Variants in THSD7A observed in about 807,000 individuals in gnomAD.
The protein encoded by THSD7A is thrombospondin type 1 domain containing 7A.
THSD7A carries 96 observed loss-of-function variants against 231.3 expected under a neutral mutation model. The observed-to-expected ratio is 0.41, with a 90% CI of 0.35 to 0.49. The LOEUF (loss-of-function observed/expected upper bound fraction) is 0.49, where lower values mean the gene tolerates loss of function less well. THSD7A is among the 20% of genes least tolerant of loss of function. The pLI is 0.05. For missense variants in THSD7A, 2,290 were observed against 2,070.2 expected, an observed-to-expected ratio of 1.11 and a Z score of -2.06; for synonymous variants, 940 against 743.3, an observed-to-expected ratio of 1.26 and a Z score of -4.30.
chr7:11,654,922 G>A (rs1782650691), intron 1 of THSD7A, among the ~76,000 whole-genome samples: 1 of 151,932 alleles, frequency 6.6e-6, no homozygotes, highest in African/African-American at 2.4e-5. Flanking sequence ...TAAGGAATAT[G>A]AAAGCTGACA....
At chr7:11,514,695 A>G (rs780559284) in intron 6 of THSD7A, among the ~76,000 whole-genome samples, 4 of 152,168 alleles carry the variant, frequency 2.6e-5, no homozygotes, top group South Asian at 2.1e-4. Flanking sequence ...ATTTCACAAA[A>G]TTTTTCAACA....
intron 14 of THSD7A, among the ~76,000 whole-genome samples, chr7:11,428,425 A>T (rs1347192057): frequency 6.6e-6 from 1 of 152,172 alleles, no homozygotes; most frequent in Non-Finnish European, 1.5e-5. Context: ...TCAATGACTA[A>T]ATTGATAGCA....
chr7:11,740,523 C>G (rs915340408), intron 1 of THSD7A, among the ~76,000 whole-genome samples: 7 of 151,892 alleles, frequency 4.6e-5, no homozygotes, highest in African/African-American at 1.7e-4. Flanking sequence ...TTTGCTGTTT[C>G]CCAAACATGC....
At chr7:11,616,187 A>G (rs1402843611) in intron 2 of THSD7A, among the ~76,000 whole-genome samples, 1 of 152,070 alleles carries the variant, frequency 6.6e-6, no homozygotes, top group Admixed American at 6.6e-5. Context: ...GTGTAGGCAA[A>G]TTTTCAACAT....
chr7:11,429,147 A>G, intron 13 of THSD7A, 22 bp from the exon 14 acceptor site: 1 of 1,539,218 alleles, frequency 6.5e-7, no homozygotes, highest in Non-Finnish European at 8.7e-7. Flanking sequence ...AAAATGAGAC[A>G]AGAATCATCT....
intron 4 of THSD7A, among the ~76,000 whole-genome samples, chr7:11,588,359 G>A (rs1335732193): frequency 6.6e-6 from 1 of 152,048 alleles, no homozygotes; most frequent in Non-Finnish European, 1.5e-5. Context: ...AGAATTAACT[G>A]TTTTTGCAAA....
At position 11,541,610 on chromosome 7, in the gene THSD7A, C is replaced by G. The variant is rs757185210; in HGVS notation, c.1631G>C (p.Arg544Pro). ...GCCTCCAGTGGGCTCATTGGTAATG[C>G]GCCGCTTCCTCAGTTTGAAGCCTGA... is the stretch of plus-strand genomic sequence containing the variant. ...GKKGFKLRKR[R>P]ITNEPTGGSG... The change falls in exon 6 of 28, where the codon CGC becomes CCC. Residue 544 changes from arginine (R) to proline (P), a missense_variant. By Grantham distance (103) the Arg-to-Pro change is moderately radical (BLOSUM62 -2). Transcript: ENST00000423059. 3.1e-6 allele frequency: 5 copies of G among 1,613,686 alleles called. No individual in the cohort carries two copies. In the African/African-American group the frequency reaches 4.0e-5, roughly 13 times the overall value.
chr7:11,544,170 C>T (rs775175347), intron 4 of THSD7A, among the ~76,000 whole-genome samples: 1 of 151,994 alleles, frequency 6.6e-6, no homozygotes, highest in African/African-American at 2.4e-5. Flanking sequence ...GGTGAAACCC[C>T]GTCTCTACTA....
At chr7:11,790,981 T>C (rs1275329729) in intron 1 of THSD7A, among the ~76,000 whole-genome samples, 1 of 151,952 alleles carries the variant, frequency 6.6e-6, no homozygotes, top group Non-Finnish European at 1.5e-5. Context: ...TCTACTGTAA[T>C]CTGCAATCAT....
chr7:11,485,126 T>C (rs1002633687), intron 6 of THSD7A, among the ~76,000 whole-genome samples: 39 of 151,778 alleles, frequency 2.6e-4, no homozygotes, highest in African/African-American at 8.5e-4. Context: ...CCTGACCTCA[T>C]GATCTGCCTG....
intron 1 of THSD7A, among the ~76,000 whole-genome samples, chr7:11,647,529 T>A (rs1272220100): frequency 1.3e-5 from 2 of 152,034 alleles, no homozygotes; most frequent in South Asian, 2.1e-4. Flanking sequence ...GGGTAATGAG[T>A]ATGTAGAAAG....
At chr7:11,520,705 T>C (rs1326063357) in intron 6 of THSD7A, among the ~76,000 whole-genome samples, 1 of 152,216 alleles carries the variant, frequency 6.6e-6, no homozygotes, top group African/African-American at 2.4e-5. Flanking sequence ...TTGGTATAAT[T>C]TGACTAGAAT....
chr7:11,543,072 T>C lies in THSD7A; in HGVS notation c.1499A>G (p.Asn500Ser). 6.2e-7 allele frequency: 1 copy of C among 1,613,842 alleles called. No individual in the cohort carries two copies. The highest frequency in any genetic ancestry group is 8.5e-7 in the Non-Finnish European group (1 of 1,179,790). Residue 500 changes from asparagine to serine, a missense_variant, in exon 5 of 28, where the codon AAT (asparagine) becomes AGT (serine). Coordinates refer to ENST00000423059, the MANE Select transcript of THSD7A (RefSeq NM_015204.3). ...DLKLCTGPIP[N>S]TTQLCHIPCP... Reference sequence around the variant, plus strand: ...AGGAATGTGGCACAGCTGTGTAGTATTAGGGATAGGTCCAGTGCATAATTT... The same window carrying C: ...AGGAATGTGGCACAGCTGTGTAGTACTAGGGATAGGTCCAGTGCATAATTT...
intron 6 of THSD7A, among the ~76,000 whole-genome samples, chr7:11,511,003 G>C (rs1787784933): frequency 6.6e-6 from 1 of 152,114 alleles, no homozygotes; most frequent in African/African-American, 2.4e-5. Context: ...GTCCCTGTTT[G>C]CAGATGACAT....
chr7:11,787,930 C>A (rs9632554), intron 1 of THSD7A, among the ~76,000 whole-genome samples: 5,911 of 152,134 alleles, frequency 0.039, 139 homozygotes, highest in East Asian at 0.11. Flanking sequence ...TTTCTCCAAA[C>A]CTGACCACTC....
intron 6 of THSD7A, among the ~76,000 whole-genome samples, chr7:11,533,160 T>A (rs574835400): frequency 6.6e-6 from 1 of 152,290 alleles, no homozygotes; most frequent in East Asian, 1.9e-4. Context: ...GTTGCATTGA[T>A]AAAACTTTGC....
chr7:11,542,093 T>C (rs1789176217), intron 5 of THSD7A, among the ~76,000 whole-genome samples: 1 of 152,200 alleles, frequency 6.6e-6, no homozygotes, highest in African/African-American at 2.4e-5. Flanking sequence ...ATGATTAAAT[T>C]TGGAAAATGA....
At chr7:11,525,737 C>A (rs1212357950) in intron 6 of THSD7A, among the ~76,000 whole-genome samples, 2 of 152,028 alleles carry the variant, frequency 1.3e-5, no homozygotes, top group Non-Finnish European at 2.9e-5. Flanking sequence ...AAAAAGTGTA[C>A]AATATGACTT....
chr7:11,652,381 G>T (rs1035543477), intron 1 of THSD7A, among the ~76,000 whole-genome samples: 1 of 151,868 alleles, frequency 6.6e-6, no homozygotes, highest in Non-Finnish European at 1.5e-5. Flanking sequence ...ACACTAAAAC[G>T]CATGACTTAT....
Sources: allele counts gnomAD v4.1 joint callset (sites outside exome capture counted in the v4.1 genomes callset), GRCh38; gene constraint gnomAD v4.1.1; transcripts MANE v1.5; gene names NCBI Gene and HGNC (gene_info 2026-07-23, HGNC 2026-07-21).